The following SCAMP4 variants were observed in gnomAD, a reference collection of about 807,000 sequenced individuals.
The protein encoded by SCAMP4 is secretory carrier membrane protein 4, also known as secretory carrier-associated membrane protein 4.
A neutral mutation model predicts 32.1 loss-of-function variants in SCAMP4; 19 were observed. The ratio of observed to expected loss-of-function variants is 0.59; its 90% CI spans 0.41 to 0.87. The LOEUF (loss-of-function observed/expected upper bound fraction) is 0.87. Ranked by LOEUF, SCAMP4 falls within the 40% of genes least tolerant of loss-of-function variation. The pLI, the probability that SCAMP4 is intolerant of heterozygous loss-of-function variation, is 0.00. For synonymous variants in SCAMP4, 152 were observed against 132.7 expected (o/e 1.15, Z -1.00); for missense variants, 302 against 309.0 (o/e 0.98, Z 0.17).
chr19:1,911,877 C>T (rs2145435041), intron 1 of SCAMP4: 3 of 714,670 alleles, frequency 4.2e-6, no homozygotes, highest in South Asian at 3.5e-5. Context: ...TGTTTAAACT[C>T]TGTGCACACC....
chr19:1,917,539 G>A lies in SCAMP4; in HGVS notation c.8-155G>A, dbSNP rs545549851. 5.3e-5 allele frequency among the ~76,000 whole-genome samples: 8 copies of A among 152,114 alleles called. No homozygotes were observed. The East Asian group carries it at 1.4e-3, about 26-fold the overall frequency. ...CCGTCTCCTCTCGTGAGGCTGCCAC[G>A]AGGACCCTCTCCTGTCTCAGCGTCC... On this transcript the variant is annotated intron_variant, in intron 2 of 6. Transcript: ENST00000316097.
At chr19:1,917,265 C>G (rs569255756) in intron 2 of SCAMP4, among the ~76,000 whole-genome samples, 2 of 152,330 alleles carry the variant, frequency 1.3e-5, no homozygotes, top group African/African-American at 4.8e-5. Context: ...GAGATCGCAC[C>G]ACTGCCCTCT....
At chr19:1,913,794 G>A (rs894169337) in intron 1 of SCAMP4, among the ~76,000 whole-genome samples, 9 of 152,242 alleles carry the variant, frequency 5.9e-5, no homozygotes, top group African/African-American at 1.7e-4. Flanking sequence ...GACTAGAGCC[G>A]TTTTTGCAGA....
intron 6 of SCAMP4, 63 bp from the exon 7 acceptor site, chr19:1,924,045 T>C (rs572940581): frequency 0.013 from 17,748 of 1,388,964 alleles, 1,305 homozygotes; most frequent in Admixed American, 0.013. Context: ...CAGGCGTGAG[T>C]CCCCGTGCCC....
At chr19:1,906,496 A>C (rs181152036) in intron 1 of SCAMP4, 4 of 152,218 alleles carry the variant, frequency 2.6e-5, no homozygotes, top group Admixed American at 2.6e-4. Flanking sequence ...CTGTGATGGC[A>C]CTACTGCATT....
chr19:1,911,930 A>C, intron 1 of SCAMP4: 1 of 1,300,804 alleles, frequency 7.7e-7, no homozygotes, highest in South Asian at 1.7e-5. Flanking sequence ...TGATGCGGTG[A>C]CCTGGGCCGG....
At chr19:1,912,263 C>T in intron 1 of SCAMP4, 3 of 1,594,740 alleles carry the variant, frequency 1.9e-6, no homozygotes, top group Non-Finnish European at 1.7e-6. Flanking sequence ...AGCGCCAGAC[C>T]TCACGCCTCC....
At chr19:1,916,109 A>G (rs1175754238) in intron 2 of SCAMP4, among the ~76,000 whole-genome samples, 1 of 149,766 alleles carries the variant, frequency 6.7e-6, no homozygotes, top group Non-Finnish European at 1.5e-5. Flanking sequence ...ATGGTGGCAC[A>G]GCACCTGTAG....
intron 1 of SCAMP4, among the ~76,000 whole-genome samples, chr19:1,909,483 C>T (rs1331204229): frequency 6.6e-6 from 1 of 152,154 alleles, no homozygotes. Context: ...AATGGCTCTA[C>T]TATCTCCTGT....
intron 1 of SCAMP4, among the ~76,000 whole-genome samples, chr19:1,911,167 GC>G (rs1198496242): frequency 6.7e-6 from 1 of 149,538 alleles, no homozygotes; most frequent in Non-Finnish European, 1.5e-5. Flanking sequence ...GAGCCACCGT[GC>G]CCGGGTTTTC....
At chr19:1,911,676 T>C (rs1178728167) in intron 1 of SCAMP4, among the ~76,000 whole-genome samples, 1 of 152,114 alleles carries the variant, frequency 6.6e-6, no homozygotes, top group Non-Finnish European at 1.5e-5. Flanking sequence ...CCAGTTACTC[T>C]GGAGGCTGAG....
chr19:1,923,223 C>A, intron 6 of SCAMP4, 36 bp downstream of exon 6: 2 of 1,506,310 alleles, frequency 1.3e-6, no homozygotes, highest in Non-Finnish European at 1.8e-6. Flanking sequence ...AGCCCTTACC[C>A]CTTCTCCATG....
chr19:1,913,049 C>T (rs756796667), intron 1 of SCAMP4: 9 of 1,603,258 alleles, frequency 5.6e-6, no homozygotes, highest in Non-Finnish European at 7.6e-6. Flanking sequence ...GCGCCCTGGG[C>T]ACCCGCTTCC....
intron 4 of SCAMP4, 41 bp from the exon 5 acceptor site, chr19:1,918,848 C>G: frequency 6.4e-7 from 1 of 1,572,166 alleles, no homozygotes. Context: ...CTGGGAGAAG[C>G]CAGGGCTGTG....
At chr19:1,918,341 C>T (rs2013805712) in intron 4 of SCAMP4, 58 bp downstream of exon 4, 2 of 1,480,144 alleles carry the variant, frequency 1.4e-6, no homozygotes, top group Non-Finnish European at 1.8e-6. Context: ...CCACTCTGCA[C>T]CCCAGTCCCA....
chr19:1,908,848 A>C lies in SCAMP4; in HGVS notation c.-42+3409A>C, dbSNP rs551452063. Reference sequence around the variant, plus strand: ...GCTGGGCACGGTGGCTCACACCTGTAATCCCAGCACTTTGGGAGGCTGAGG... The same window carrying C: ...GCTGGGCACGGTGGCTCACACCTGTCATCCCAGCACTTTGGGAGGCTGAGG... On this transcript the variant is annotated intron_variant, in intron 1 of 6. Coordinates refer to ENST00000316097, the MANE Select transcript of SCAMP4 (RefSeq NM_079834.4). The surrounding 1 kb of genome is among the most constrained non-coding windows in gnomAD (Gnocchi z 4.2). Among the ~76,000 whole-genome samples, 372 of 152,202 alleles carry C rather than the reference A, an allele frequency of 2.4e-3. 2 individuals carry two copies. Among genetic ancestry groups the C allele is most frequent in the Non-Finnish European group, 4.6e-3 (312 of 67,996 alleles).
In SCAMP4 at chr19:1,919,192, G is replaced by A. The variant is rs918322629; in HGVS notation, c.395+202G>A. ...TCGCCAGCACCCAGCCATGGTTCGC[G>A]ATTGTAGGCACTCTCCTAGGGAGGG... On this transcript the variant is annotated intron_variant, in intron 5 of 6. Transcript: ENST00000316097. 24 of 1,419,854 alleles carry A rather than the reference G, an allele frequency of 1.7e-5. 1 individual carries two copies. The African/African-American group carries it at 2.2e-4, about 13-fold the overall frequency. 88.0% of individuals were successfully genotyped at this position (1,419,854 alleles called of 1,614,324 possible).
At chr19:1,916,665 C>T (rs571322827) in intron 2 of SCAMP4, among the ~76,000 whole-genome samples, 2 of 152,062 alleles carry the variant, frequency 1.3e-5, no homozygotes, top group African/African-American at 4.8e-5. Context: ...CGCTAGGTTG[C>T]CAGGCTGATC....
At chr19:1,918,407 C>CT in intron 4 of SCAMP4, 124 bp downstream of exon 4, 1 of 1,122,012 alleles carries the variant, frequency 8.9e-7, no homozygotes. Context: ...CAGTTCACAT[C>CT]TGGGGGTGGC....
Sources: allele counts gnomAD v4.1 joint callset (sites outside exome capture counted in the v4.1 genomes callset), GRCh38; gene constraint gnomAD v4.1.1; non-coding constraint Gnocchi (gnomAD v3.1); transcripts MANE v1.5; gene names NCBI Gene and HGNC (gene_info 2026-07-23, HGNC 2026-07-21).